Variants in GRM7 observed in about 807,000 individuals in gnomAD.
GRM7 encodes the protein glutamate metabotropic receptor 7, also known as metabotropic glutamate receptor 7.
In GRM7, 35 loss-of-function variants were observed where a neutral mutation model predicts 84.5. That is an observed-to-expected ratio of 0.41 (90% confidence interval 0.32 to 0.55). The LOEUF (loss-of-function observed/expected upper bound fraction) is 0.55. GRM7 is among the 20% of genes least tolerant of loss of function. GRM7 has a pLI of 0.19. For synonymous variants in GRM7, 487 were observed against 455.1 expected (o/e 1.07, Z -0.89); for missense variants, 1,003 against 1,194.6 (o/e 0.84, Z 2.36).
intron 5 of GRM7, among the ~76,000 whole-genome samples, chr3:7,450,810 A>G (rs1366859084): frequency 6.6e-6 from 1 of 152,166 alleles, no homozygotes; most frequent in East Asian, 1.9e-4. Flanking sequence ...AATGAGATAC[A>G]TATAAAACAC....
At chr3:7,563,672 A>T (rs1299418562) in intron 7 of GRM7, among the ~76,000 whole-genome samples, 1 of 152,210 alleles carries the variant, frequency 6.6e-6, no homozygotes, top group Non-Finnish European at 1.5e-5. Context: ...GCCCTTTGTT[A>T]GAAGAGGCCA....
intron 2 of GRM7, among the ~76,000 whole-genome samples, chr3:7,210,103 A>G (rs1452089263): frequency 6.6e-6 from 1 of 152,182 alleles, no homozygotes; most frequent in Non-Finnish European, 1.5e-5. Context: ...TTCACAGTTC[A>G]ATCCCATAAA....
At chr3:7,495,767 T>G (rs2124956941) in intron 7 of GRM7, among the ~76,000 whole-genome samples, 1 of 152,236 alleles carries the variant, frequency 6.6e-6, no homozygotes, top group African/African-American at 2.4e-5. Flanking sequence ...AGGTTGTGAG[T>G]CTAGACATAC....
intron 1 of GRM7, among the ~76,000 whole-genome samples, chr3:6,926,474 T>C (rs1697301559): frequency 6.6e-6 from 1 of 152,238 alleles, no homozygotes; most frequent in Non-Finnish European, 1.5e-5. Flanking sequence ...TTAGCTAAAA[T>C]GCAGCCCACA....
intron 7 of GRM7, among the ~76,000 whole-genome samples, chr3:7,478,884 T>C (rs1444035552): frequency 6.6e-6 from 1 of 152,190 alleles, no homozygotes; most frequent in African/African-American, 2.4e-5. Context: ...CATAAAACCT[T>C]CCCTAATTCT....
chr3:6,969,155 C>CT (rs1042352088), intron 1 of GRM7, among the ~76,000 whole-genome samples: 1 of 151,662 alleles, frequency 6.6e-6, no homozygotes, highest in Non-Finnish European at 1.5e-5. Context: ...ATTTTGCTTG[C>CT]TTTTTTTGTT....
At chr3:7,590,780 T>C (rs1695743788) in intron 8 of GRM7, among the ~76,000 whole-genome samples, 1 of 152,130 alleles carries the variant, frequency 6.6e-6, no homozygotes, top group Non-Finnish European at 1.5e-5. Context: ...TCCTTAACTC[T>C]CCTCTACCCC....
chr3:7,052,418 T>C (rs117504652), intron 1 of GRM7, among the ~76,000 whole-genome samples: 2 of 151,816 alleles, frequency 1.3e-5, no homozygotes, highest in East Asian at 1.9e-4. Context: ...AATTTACATA[T>C]AAAATTTATC....
At chr3:7,567,189 A>T (rs1694322120) in intron 7 of GRM7, among the ~76,000 whole-genome samples, 1 of 152,216 alleles carries the variant, frequency 6.6e-6, no homozygotes, top group Non-Finnish European at 1.5e-5. Context: ...CAATAACATT[A>T]TGAAACTTAA....
intron 4 of GRM7, among the ~76,000 whole-genome samples, chr3:7,398,040 G>A (rs1006151968): frequency 5.3e-5 from 8 of 152,126 alleles, no homozygotes; most frequent in African/African-American, 7.2e-5. Context: ...AGTAAAAGAC[G>A]AAAAGAAAGA....
chr3:6,962,011 T>C (rs1693321431), intron 1 of GRM7, among the ~76,000 whole-genome samples: 1 of 152,202 alleles, frequency 6.6e-6, no homozygotes, highest in Non-Finnish European at 1.5e-5. Flanking sequence ...TAGTCCAAAC[T>C]ACTTCAACTT....
In GRM7 at chr3:7,486,055, G is replaced by A. The variant is rs1164340399; in HGVS notation, c.1515+24333G>A. On this transcript the variant is annotated intron_variant, in intron 7 of 9. Coordinates refer to ENST00000357716, the MANE Select transcript of GRM7 (RefSeq NM_000844.4). The surrounding 1 kb of genome is among the most constrained non-coding windows in gnomAD (Gnocchi z 5.5). ...TATTTACATACCACATCTTATAGAA[G>A]TTGAGATAAACTTTAAAGTTCTTCA... Among the ~76,000 whole-genome samples, 4 of 152,124 alleles carry A rather than the reference G, an allele frequency of 2.6e-5. No homozygotes were observed. The highest frequency in any genetic ancestry group is 2.6e-4 in the Admixed American group (4 of 15,266).
chr3:6,908,604 C>A (rs1490065128), intron 1 of GRM7, among the ~76,000 whole-genome samples: 1 of 152,190 alleles, frequency 6.6e-6, no homozygotes, highest in East Asian at 1.9e-4. Context: ...TCCACTCTGA[C>A]TGCTAAAATT....
chr3:7,268,568 G>C (rs1033253306), intron 2 of GRM7, among the ~76,000 whole-genome samples: 1 of 152,188 alleles, frequency 6.6e-6, no homozygotes, highest in Admixed American at 6.5e-5. Context: ...ACCTTCATTT[G>C]CTACTCCAGA....
intron 1 of GRM7, among the ~76,000 whole-genome samples, chr3:7,124,119 G>T (rs1392158369): frequency 6.6e-6 from 1 of 151,970 alleles, no homozygotes; most frequent in Non-Finnish European, 1.5e-5. Context: ...ACTGTAACTG[G>T]TATGTTTATT....
chr3:7,277,953 G>A (rs1699131368), intron 2 of GRM7, among the ~76,000 whole-genome samples: 1 of 152,000 alleles, frequency 6.6e-6, no homozygotes, highest in Non-Finnish European at 1.5e-5. Flanking sequence ...AAGATGTTAA[G>A]AATTCTGAAG....
At chr3:7,200,969 T>TTTG (rs1553630937) in intron 2 of GRM7, among the ~76,000 whole-genome samples, 9 of 137,664 alleles carry the variant, frequency 6.5e-5, no homozygotes, top group South Asian at 2.4e-4. Flanking sequence ...TCAGAATTTT[T>TTTG]TTTTTTTTTT....
At chr3:7,663,641 C>A (rs540253618) in intron 8 of GRM7, among the ~76,000 whole-genome samples, 13 of 152,276 alleles carry the variant, frequency 8.5e-5, no homozygotes, top group Non-Finnish European at 1.5e-4. Flanking sequence ...ATTGTTAACA[C>A]ATTATTTCAA....
At chr3:7,713,309 A>G (rs332933) in intron 9 of GRM7, among the ~76,000 whole-genome samples, 141,129 of 151,590 alleles carry the variant, frequency 0.93, 65,871 homozygotes, top group South Asian at 0.98. Flanking sequence ...GCTAATTTTC[A>G]TATTTTTAGT....
Sources: allele counts gnomAD v4.1 joint callset (sites outside exome capture counted in the v4.1 genomes callset), GRCh38; gene constraint gnomAD v4.1.1; non-coding constraint Gnocchi (gnomAD v3.1); transcripts MANE v1.5; gene names NCBI Gene and HGNC (gene_info 2026-07-23, HGNC 2026-07-21).